EXOC3L1: variants seen among roughly 807,000 people sequenced by gnomAD.
The protein encoded by EXOC3L1 is exocyst complex component 3-like protein.
A neutral mutation model predicts 83.6 loss-of-function variants in EXOC3L1; 79 were observed. That is an observed-to-expected ratio of 0.95 (90% confidence interval 0.79 to 1.14). The LOEUF is 1.14. Ranked by LOEUF, EXOC3L1 falls within the 50% of genes most tolerant of loss-of-function variation. The pLI is 0.00. For synonymous variants in EXOC3L1, 433 were observed against 451.2 expected, an observed-to-expected ratio of 0.96 and a Z score of 0.51; for missense variants, 945 against 972.0, an observed-to-expected ratio of 0.97 and a Z score of 0.37.
rs762740345 is a variant in EXOC3L1, at chr16:67,187,775, C to T, written c.490G>A (p.Val164Met). Residue 164 changes from valine to methionine, a missense_variant, in exon 5 of 14, where the codon GTG (valine) becomes ATG (methionine). Val to Met is a conservative substitution (Grantham distance 21, BLOSUM62 1). Transcript: ENST00000314586. ...AGCTGCTCCAGCTCCCGAAGGCTCA[C>T]ATATGCCTCCAAGAACTGTTGGCCA... ...IDGQQFLEAY[V>M]SLRELEQLRE... The T allele has an allele frequency of 7.4e-6, 12 of 1,612,306 alleles. No individual in the cohort carries two copies. The highest frequency in any genetic ancestry group is 1.3e-5 in the African/African-American group (1 of 74,940).
chr16:67,188,447 G>A (rs1181223515), intron 4 of EXOC3L1, among the ~76,000 whole-genome samples: 3 of 152,136 alleles, frequency 2.0e-5, no homozygotes, highest in Non-Finnish European at 2.9e-5. Flanking sequence ...GCCAGTACTC[G>A]CTCAGCCACT....
rs773778570 is a variant in EXOC3L1, at chr16:67,187,445, C to G, written c.820G>C (p.Gly274Arg). 1.2e-6 allele frequency: 2 copies of G among 1,609,796 alleles called. No individual in the cohort carries two copies. The highest frequency in any genetic ancestry group is 2.7e-5 in the African/African-American group (2 of 75,046). The change falls in exon 5 of 14, where the codon GGG becomes CGG. Residue 274 changes from glycine (G) to arginine (R), a missense_variant. Physicochemically the swap from Gly to Arg is moderately radical, Grantham distance 125. Coordinates refer to ENST00000314586, the MANE Select transcript of EXOC3L1 (RefSeq NM_178516.4). ...GCCACTCGCAGAGCCTCCAGCCACC[C>G]TGGTAGGGCCCCTGGTGCAGGCAGC... ...PLLPAPGALP[G>R]WLEALRVALP...
chr16:67,187,205 G>A lies in EXOC3L1; in HGVS notation c.1040+20C>T, dbSNP rs372292690. 54 of 1,609,004 alleles carry A rather than the reference G, an allele frequency of 3.4e-5. 1 individual carries two copies. Among genetic ancestry groups the A allele is most frequent in the African/African-American group, 3.3e-4 (25 of 74,962 alleles). On this transcript the variant is annotated intron_variant, in intron 5 of 13. Transcript: ENST00000314586. Reference sequence around the variant, plus strand: ...CCCAGCCTCTGATCCCCCATGTCCCGCTGCCCCAAAGGCACTGACCCCAGG... The same window carrying A: ...CCCAGCCTCTGATCCCCCATGTCCCACTGCCCCAAAGGCACTGACCCCAGG...
intron 5 of EXOC3L1, 37 bp downstream of exon 5, chr16:67,187,188 C>T (rs764799932): frequency 1.2e-6 from 2 of 1,611,474 alleles, no homozygotes; most frequent in Non-Finnish European, 1.7e-6. Context: ...CCCCCAGCCT[C>T]TGATCCCCCA....
rs763127911 is a variant in EXOC3L1 at position 67,189,159 on chromosome 16, T to C, written c.68A>G (p.Glu23Gly). Residue 23 changes from glutamate (E) to glycine (G), a missense_variant, in exon 3 of 14, where the codon GAG (glutamate) becomes GGG (glycine). Transcript: ENST00000314586. ...ACCCCGGGCCAGCTGCTCTGCCCGC[T>C]CCTGCTCTGGCCACTCAGGTCCTGG... ...LSPGPEWPEQ[E>G]RAEQLARGAA... 1 of 1,604,714 alleles carries C rather than the reference T, an allele frequency of 6.2e-7. No individual in the cohort carries two copies. Among genetic ancestry groups the C allele is most frequent in the South Asian group, 1.1e-5 (1 of 90,710 alleles).
chr16:67,189,062 G>T lies in EXOC3L1; in HGVS notation c.165C>A (p.Ser55Arg), dbSNP rs1567685704. 6.2e-7 allele frequency: 1 copy of T among 1,607,072 alleles called. No homozygotes were observed. The highest frequency in any genetic ancestry group is 1.7e-5 in the Admixed American group (1 of 59,610). The part of the protein sequence containing the change: ...EQLARLGQYR[S>R]REVQRTCSLE... ...GGGAGCAGGTACGCTGCACCTCGCG[G>T]CTGCGGTACTGGCCTAGCCTGGCCA... Residue 55 changes from serine to arginine, a missense_variant, in exon 3 of 14, where the codon AGC (serine) becomes AGA (arginine). Coordinates refer to ENST00000314586, the MANE Select transcript of EXOC3L1 (RefSeq NM_178516.4).
chr16:67,186,718 C>T (rs1287024349), intron 7 of EXOC3L1, 41 bp downstream of exon 7: 12 of 1,613,678 alleles, frequency 7.4e-6, no homozygotes, highest in African/African-American at 1.3e-5. Context: ...TCCCCACTGC[C>T]CCATGGAGGC....
Position 67,187,113 on chromosome 16 carries a change from A to G in EXOC3L1, c.1066T>C (p.Leu356=), listed in dbSNP as rs747354048. 1.2e-6 allele frequency: 2 copies of G among 1,613,060 alleles called. No individual in the cohort carries two copies. Among genetic ancestry groups the G allele is most frequent in the African/African-American group, 1.3e-5 (1 of 74,836 alleles). ...LGQEMMGSLE[L]GPEADVSQLE... ...TGGGACACATCAGCCTCAGGCCCCA[A>G]CTCCAGGCTCCCCATCATTTCCTGC... The change falls in exon 6 of 14, where the codon TTG becomes CTG. Residue 356 remains leucine (L), a synonymous_variant. Transcript: ENST00000314586.
rs2032803446 is a variant in EXOC3L1 at position 67,188,860 on chromosome 16, G to A, written c.288C>T (p.Thr96=). ...CACGGGCCTGGCTCAGGGCCTCCCG[G>A]GTTCCCTGCACCACCTCAATGGCCT... The part of the protein sequence containing the change: ...LAQAIEVVQG[T]REALSQARGL... Residue 96 remains threonine, a synonymous_variant, in exon 4 of 14, where the codon ACC becomes ACT. Coordinates refer to ENST00000314586, the MANE Select transcript of EXOC3L1 (RefSeq NM_178516.4). 6.2e-7 allele frequency: 1 copy of A among 1,613,250 alleles called. No homozygotes were observed. Among genetic ancestry groups the A allele is most frequent in the South Asian group, 1.1e-5 (1 of 91,088 alleles).
rs908451731 is a variant in EXOC3L1 at position 67,184,557 on chromosome 16, C to G, written c.2078G>C (p.Arg693Pro). 6.5e-7 allele frequency: 1 copy of G among 1,537,046 alleles called. No homozygotes were observed. Among genetic ancestry groups the G allele is most frequent in the South Asian group, 1.2e-5 (1 of 84,320 alleles). The part of the protein sequence containing the change: ...ALLGLRGDLS[R>P]EQHLAALSSL... Reference sequence around the variant, plus strand: ...GCTGAGCGCGGCCAGGTGCTGCTCCCGGGACAAGTCCCCGCGCAGGCCCAA... The same window carrying G: ...GCTGAGCGCGGCCAGGTGCTGCTCCGGGGACAAGTCCCCGCGCAGGCCCAA... The change falls in exon 14 of 14, where the codon CGG becomes CCG. Residue 693 changes from arginine (R) to proline (P), a missense_variant. Transcript: ENST00000314586.
Position 67,184,885 on chromosome 16 carries a change from G to A in EXOC3L1, c.1905+17C>T. 1 of 1,611,624 alleles carries A rather than the reference G, an allele frequency of 6.2e-7. No individual in the cohort carries two copies. The highest frequency in any genetic ancestry group is 1.1e-5 in the South Asian group (1 of 91,058). Reference sequence around the variant, plus strand: ...CACTGAGACTCTCGCCCGTCTGCCCGCCCAAGAAGCTCTCACCAAACTGAG... The same window carrying A: ...CACTGAGACTCTCGCCCGTCTGCCCACCCAAGAAGCTCTCACCAAACTGAG... On this transcript the variant is annotated intron_variant, in intron 12 of 13. Transcript: ENST00000314586.
rs1282747519 is a variant in EXOC3L1, at chr16:67,188,953, G to A, written c.208-13C>T. ...ACTGCATCACTGACTGTGGAAAGAT[G>A]GAGCCATGAGGCTGGGCCAGCCCTG... On this transcript the variant is annotated splice_polypyrimidine_tract_variant and intron_variant, in intron 3 of 13. Transcript: ENST00000314586. The A allele has an allele frequency of 1.9e-6, 3 of 1,611,240 alleles. No individual in the cohort carries two copies. The highest frequency in any genetic ancestry group is 1.1e-5 in the South Asian group (1 of 90,998).
At chr16:67,185,338 T>A (rs1356300699) in intron 10 of EXOC3L1, 23 bp downstream of exon 10, 4 of 1,612,782 alleles carry the variant, frequency 2.5e-6, no homozygotes, top group Admixed American at 3.3e-5. Flanking sequence ...CCTGCTCCCA[T>A]CCTGACCTGA....
intron 9 of EXOC3L1, 74 bp from the exon 10 acceptor site, chr16:67,185,564 G>T: frequency 7.1e-7 from 1 of 1,409,842 alleles, no homozygotes; most frequent in Non-Finnish European, 9.9e-7. Context: ...AGACCCTCCG[G>T]CGCCACCTTG....
At position 67,189,028 on chromosome 16, in the gene EXOC3L1, G is replaced by A. The variant is rs147540218; in HGVS notation, c.199C>T (p.Arg67Cys). Residue 67 changes from arginine to cysteine, a missense_variant, in exon 3 of 14, where the codon CGC becomes TGC. By Grantham distance (180) the Arg-to-Cys change is radical. Coordinates refer to ENST00000314586, the MANE Select transcript of EXOC3L1 (RefSeq NM_178516.4). The part of the protein sequence containing the change: ...EVQRTCSLES[R>C]LKSVMQSYLE... ...CCCTGCCCCATGCCCACCTTGAGGCGCGATTCCAGGGAGCAGGTACGCTGC... is the reference window on the plus strand; with the variant it reads ...CCCTGCCCCATGCCCACCTTGAGGCACGATTCCAGGGAGCAGGTACGCTGC... The A allele has an allele frequency of 1.7e-5, 27 of 1,604,056 alleles. No homozygotes were observed. The highest frequency in any genetic ancestry group is 5.5e-5 in the South Asian group (5 of 90,708).
Position 67,184,493 on chromosome 16 carries a change from G to C in EXOC3L1, c.2142C>G (p.Ser714Arg). The stretch of plus-strand genomic sequence containing the variant: ...GCACTAGGCTGAAGAGGACGCGGCG[G>C]CTCGCGCGGGGCGACGGCGGCAGCG... The part of the protein sequence containing the change: ...QAALPPSPRA[S>R]RRVLFSLVPA... The change falls in exon 14 of 14, where the codon AGC becomes AGG. Residue 714 changes from serine (S) to arginine (R), a missense_variant. Transcript: ENST00000314586. 1 of 1,520,810 alleles carries C rather than the reference G, an allele frequency of 6.6e-7. No homozygotes were observed. The highest frequency in any genetic ancestry group is 8.8e-7 in the Non-Finnish European group (1 of 1,141,606). 94.2% of individuals were successfully genotyped at this position (1,520,810 alleles called of 1,614,324 possible). A position where few individuals can be genotyped will look rare whatever the true frequency, so the allele number is the denominator to read the frequency against.
intron 4 of EXOC3L1, 90 bp from the exon 5 acceptor site, chr16:67,187,927 G>A (rs2032775976): frequency 6.8e-7 from 1 of 1,460,680 alleles, no homozygotes; most frequent in African/African-American, 1.4e-5. Context: ...CCAGGGCGGG[G>A]GTGATGCATA....
chr16:67,188,616 G>A lies in EXOC3L1; in HGVS notation c.427+105C>T, dbSNP rs1275613283. The A allele has an allele frequency of 6.4e-6, 7 of 1,096,044 alleles. No homozygotes were observed. In the Admixed American group the frequency reaches 7.0e-5, roughly 11 times the overall value. 67.9% of individuals were successfully genotyped at this position (1,096,044 alleles called of 1,614,324 possible). ...CTACTGTCTGGGAGGTCCCTGGTGT[G>A]CTGCTCTATGCAGTTCCCCATCTAG... is the stretch of plus-strand genomic sequence containing the variant. On this transcript the variant is annotated intron_variant, in intron 4 of 13. Transcript: ENST00000314586.
At chr16:67,185,621 A>C in intron 9 of EXOC3L1, 131 bp from the exon 10 acceptor site, 4 of 823,672 alleles carry the variant, frequency 4.9e-6, no homozygotes, top group Admixed American at 2.4e-5. Context: ...GGCTCTCTGC[A>C]CTTCTGGTCC....
Sources: allele counts gnomAD v4.1 joint callset (sites outside exome capture counted in the v4.1 genomes callset), GRCh38; gene constraint gnomAD v4.1.1; transcripts MANE v1.5; gene names NCBI Gene and HGNC (gene_info 2026-07-23, HGNC 2026-07-21).